The following LRRC72 variants were observed in gnomAD, a reference collection of about 807,000 sequenced individuals.
The protein encoded by LRRC72 is leucine rich repeat containing 72.
LRRC72 carries 41 observed loss-of-function variants against 35.8 expected under a neutral mutation model. The ratio of observed to expected loss-of-function variants is 1.15; its 90% confidence interval spans 0.89 to 1.49. The LOEUF is 1.49. Ranked by LOEUF, LRRC72 falls within the 40% of genes most tolerant of loss-of-function variation. The pLI is 0.00. For missense variants in LRRC72, 389 were observed against 330.7 expected (o/e 1.18, Z -1.37); for synonymous variants, 118 against 119.2 (o/e 0.99, Z 0.07).
At chr7:16,575,595 A>T (rs1783026798) in intron 7 of LRRC72, among the ~76,000 whole-genome samples, 1 of 152,186 alleles carries the variant, frequency 6.6e-6, no homozygotes, top group African/African-American at 2.4e-5. Context: ...TCTTGCTTTG[A>T]CTGTTATGCT....
intron 5 of LRRC72, among the ~76,000 whole-genome samples, chr7:16,565,253 C>T (rs888443183): frequency 1.3e-5 from 2 of 151,976 alleles, no homozygotes; most frequent in South Asian, 4.1e-4. Context: ...GCCAACATGG[C>T]GAAACTCCGT....
chr7:16,544,789 T>A (rs1782416264), intron 3 of LRRC72, among the ~76,000 whole-genome samples: 1 of 152,204 alleles, frequency 6.6e-6, no homozygotes, highest in Non-Finnish European at 1.5e-5. Context: ...GCTTGGTATA[T>A]TACATTTTGT....
intron 8 of LRRC72, among the ~76,000 whole-genome samples, 154 bp downstream of exon 8, chr7:16,580,255 ATGAGT>A: frequency 6.6e-6 from 1 of 152,356 alleles, no homozygotes; most frequent in South Asian, 2.1e-4. Flanking sequence ...TCTGTGATAA[ATGAGT>A]TCAAGCTCTG....
intron 3 of LRRC72, among the ~76,000 whole-genome samples, chr7:16,553,975 A>G (rs1258071678): frequency 6.6e-6 from 1 of 152,244 alleles, no homozygotes. Flanking sequence ...CACACTTAAT[A>G]TAAATCCTAC....
chr7:16,569,704 A>AGGAAGGGAAG lies in LRRC72; in HGVS notation c.670+2173_670+2182dup, dbSNP rs148166700. ...CTATGGCAAGCCACAGGTGCAAGAG[A>AGGAAGGGAAG]GGAAGGGAAGGGAAGGGAAGGAAGC... On this transcript the variant is annotated intron_variant, in intron 7 of 8. Transcript: ENST00000401542. Among the ~76,000 whole-genome samples the AGGAAGGGAAG allele has an allele frequency of 4.0e-4, 60 of 150,600 alleles. 1 individual carries two copies. In the East Asian group the frequency reaches 8.0e-3, roughly 20 times the overall value.
At chr7:16,571,291 C>T (rs749287819) in intron 7 of LRRC72, among the ~76,000 whole-genome samples, 14 of 152,192 alleles carry the variant, frequency 9.2e-5, no homozygotes, top group African/African-American at 1.4e-4. Context: ...AAGGGGGCTC[C>T]GGACATGCCT....
At chr7:16,562,921 A>G (rs1782767710) in intron 5 of LRRC72, among the ~76,000 whole-genome samples, 1 of 152,158 alleles carries the variant, frequency 6.6e-6, no homozygotes, top group South Asian at 2.1e-4. Flanking sequence ...GGTGATTTCC[A>G]TATTCAGTAA....
intron 5 of LRRC72, among the ~76,000 whole-genome samples, chr7:16,563,561 C>T (rs1165475553): frequency 6.6e-6 from 1 of 152,168 alleles, no homozygotes; most frequent in East Asian, 1.9e-4. Flanking sequence ...TGTGCCCATA[C>T]ATCATAGAAG....
At chr7:16,542,057 A>G (rs1336941230) in intron 3 of LRRC72, among the ~76,000 whole-genome samples, 3 of 152,222 alleles carry the variant, frequency 2.0e-5, no homozygotes, top group African/African-American at 7.2e-5. Context: ...ATCTGTTTTT[A>G]CTGTGTGTTC....
intron 7 of LRRC72, among the ~76,000 whole-genome samples, chr7:16,572,964 A>G (rs568136249): frequency 1.3e-5 from 2 of 152,368 alleles, no homozygotes; most frequent in Non-Finnish European, 2.9e-5. Flanking sequence ...GTCTCAGGAC[A>G]CAAAACCAAT....
chr7:16,557,057 C>G (rs1426312539), intron 3 of LRRC72, among the ~76,000 whole-genome samples: 1 of 152,084 alleles, frequency 6.6e-6, no homozygotes, highest in African/African-American at 2.4e-5. Flanking sequence ...GAAATATTGT[C>G]AGCGCAAAAG....
At chr7:16,531,910 G>A (rs1524361) in intron 1 of LRRC72, among the ~76,000 whole-genome samples, 69,951 of 151,648 alleles carry the variant, frequency 0.46, 16,205 homozygotes, top group East Asian at 0.61. Flanking sequence ...CAACTCATGA[G>A]AAACGAAGTC....
chr7:16,549,243 AGAATATTTCTTTGCAT>A (rs1412074717), intron 3 of LRRC72, among the ~76,000 whole-genome samples: 3 of 152,214 alleles, frequency 2.0e-5, no homozygotes, highest in Admixed American at 1.3e-4. Flanking sequence ...ATCATGGCTA[AGAATATTTCTTTGCAT>A]GAGTACTAGT....
intron 5 of LRRC72, among the ~76,000 whole-genome samples, chr7:16,563,774 C>G (rs1025283335): frequency 6.6e-6 from 1 of 152,024 alleles, no homozygotes; most frequent in Non-Finnish European, 1.5e-5. Flanking sequence ...TGATGAAATG[C>G]CTGTCAAGTT....
At chr7:16,552,902 C>T (rs781013589) in intron 3 of LRRC72, among the ~76,000 whole-genome samples, 1 of 152,156 alleles carries the variant, frequency 6.6e-6, no homozygotes, top group Admixed American at 6.5e-5. Flanking sequence ...CCCAGTTCTA[C>T]CATGTAGTAG....
chr7:16,547,361 G>A (rs1245135407), intron 3 of LRRC72, among the ~76,000 whole-genome samples: 6 of 152,122 alleles, frequency 3.9e-5, no homozygotes, highest in Non-Finnish European at 8.8e-5. Context: ...GTGGTGCCAT[G>A]CTCCACGGAG....
chr7:16,559,125 G>C, intron 5 of LRRC72, 126 bp downstream of exon 5: 1 of 546,612 alleles, frequency 1.8e-6, no homozygotes, highest in Non-Finnish European at 3.2e-6. Flanking sequence ...TGGGCACTGT[G>C]ACTCACGCCT....
At chr7:16,565,904 T>C (rs1782830137) in intron 5 of LRRC72, among the ~76,000 whole-genome samples, 1 of 152,250 alleles carries the variant, frequency 6.6e-6, no homozygotes, top group South Asian at 2.1e-4. Context: ...TGCACCCTTG[T>C]GAACTTGGAG....
chr7:16,532,238 G>A (rs117995971), intron 1 of LRRC72, among the ~76,000 whole-genome samples: 178 of 152,078 alleles, frequency 1.2e-3, no homozygotes, highest in Non-Finnish European at 2.3e-3. Flanking sequence ...TGGTGTATAC[G>A]TACACATACA....
Sources: gnomAD v4.1 joint callset for allele counts (sites outside exome capture counted in the v4.1 genomes callset) on GRCh38, gnomAD v4.1.1 for gene constraint, MANE v1.5 for transcripts, NCBI Gene and HGNC (gene_info 2026-07-23, HGNC 2026-07-21) for gene names.